The following TLE1 variants were observed in gnomAD, a reference collection of about 807,000 sequenced individuals.
TLE1 encodes TLE family member 1, transcriptional corepressor.
In TLE1, 21 loss-of-function variants were observed where a neutral mutation model predicts 89.8. That is an observed-to-expected ratio of 0.23 (90% CI 0.17 to 0.34). TLE1 has a LOEUF of 0.34. Among genes scored for constraint, TLE1 ranks in the 10% least tolerant of loss-of-function variants. The pLI is 1.00. For missense variants in TLE1, 795 were observed against 1,031.2 expected, an observed-to-expected ratio of 0.77 and a Z score of 3.14; for synonymous variants, 447 against 407.6, an observed-to-expected ratio of 1.10 and a Z score of -1.16.
intron 4 of TLE1, among the ~76,000 whole-genome samples, chr9:81,678,199 G>A (rs1833142890): frequency 6.6e-6 from 1 of 152,248 alleles, no homozygotes; most frequent in East Asian, 1.9e-4. Flanking sequence ...AAGGTAAATA[G>A]AATACAATTT....
At chr9:81,615,286 G>A (rs1358591605) in intron 11 of TLE1, among the ~76,000 whole-genome samples, 2 of 139,750 alleles carry the variant, frequency 1.4e-5, no homozygotes, top group Non-Finnish European at 3.1e-5. Flanking sequence ...CCGAGATCAC[G>A]CCACTGCACT....
chr9:81,585,404 GA>G (rs1828252253), intron 18 of TLE1, 100 bp downstream of exon 18: 7 of 1,437,832 alleles, frequency 4.9e-6, no homozygotes, highest in Non-Finnish European at 5.7e-6. Flanking sequence ...CAGCTGCTCG[GA>G]GAACATTTTT....
At chr9:81,622,134 C>T (rs1022967018) in intron 8 of TLE1, among the ~76,000 whole-genome samples, 3 of 152,210 alleles carry the variant, frequency 2.0e-5, no homozygotes, top group Non-Finnish European at 4.4e-5. Context: ...CTAACACGCC[C>T]TCTGAAAAGC....
intron 4 of TLE1, among the ~76,000 whole-genome samples, chr9:81,655,857 A>G (rs945091093): frequency 6.9e-6 from 1 of 145,028 alleles, no homozygotes; most frequent in Non-Finnish European, 1.5e-5. Flanking sequence ...TGTCTCAAAA[A>G]AAAAAAAAAA....
At chr9:81,645,788 G>A (rs941250993) in intron 6 of TLE1, among the ~76,000 whole-genome samples, 3 of 151,958 alleles carry the variant, frequency 2.0e-5, no homozygotes, top group Non-Finnish European at 4.4e-5. Context: ...ATGCTTGAGG[G>A]GATAGATACC....
intron 6 of TLE1, among the ~76,000 whole-genome samples, chr9:81,636,668 T>C (rs745651506): frequency 1.3e-5 from 2 of 152,136 alleles, no homozygotes; most frequent in South Asian, 2.1e-4. Flanking sequence ...GGGATTCTTA[T>C]GTCAGACCAA....
chr9:81,600,139 T>C (rs746230106), intron 14 of TLE1: 1 of 729,132 alleles, frequency 1.4e-6, no homozygotes, highest in Non-Finnish European at 2.6e-6. Flanking sequence ...AAGATACAAA[T>C]GGAGAAATTC....
At chr9:81,625,330 A>T (rs1186109183) in intron 8 of TLE1, among the ~76,000 whole-genome samples, 2 of 152,204 alleles carry the variant, frequency 1.3e-5, no homozygotes, top group Non-Finnish European at 2.9e-5. Context: ...CTATGACAGC[A>T]AAAGAGCTGG....
rs772553167 is a variant in TLE1, at chr9:81,585,520, T to G, written c.2113A>C (p.Lys705Gln). 17 of 1,613,692 alleles carry G rather than the reference T, an allele frequency of 1.1e-5. No individual in the cohort carries two copies. The South Asian group carries it at 1.8e-4, about 17-fold the overall frequency. The change falls in exon 18 of 20, where the codon AAA becomes CAA. Residue 705 changes from lysine (K) to glutamine (Q), a missense_variant. Around this residue, in one of 4 missense-constraint regions of TLE1, gnomAD observed 214 missense variants for 354.9 expected, o/e 0.60. Coordinates refer to ENST00000376499, the MANE Select transcript of TLE1 (RefSeq NM_005077.5). ...HLHESCVLSL[K>Q]FAYCGKWFVS... is the part of the protein sequence containing the mutation. ...CTGAACTCACCACAGTAAGCAAATT[T>G]CAGGGACAGCACGCAGCTCTCATGC...
chr9:81,612,349 C>T (rs983209496), intron 12 of TLE1: 6 of 1,003,536 alleles, frequency 6.0e-6, no homozygotes, highest in African/African-American at 3.4e-5. Context: ...TCTTTCAGTC[C>T]GAACTTTCCA....
intron 4 of TLE1, among the ~76,000 whole-genome samples, chr9:81,673,000 C>T (rs1250461578): frequency 6.6e-6 from 1 of 151,780 alleles, no homozygotes; most frequent in African/African-American, 2.4e-5. Flanking sequence ...AGGCCGGACG[C>T]GGTGGCTCAC....
chr9:81,642,295 T>G (rs1406024556), intron 6 of TLE1, among the ~76,000 whole-genome samples: 1 of 152,184 alleles, frequency 6.6e-6, no homozygotes, highest in Non-Finnish European at 1.5e-5. Flanking sequence ...TTTTTTCAGA[T>G]TTTTAAATAT....
At chr9:81,597,402 G>A (rs547009634) in intron 14 of TLE1, among the ~76,000 whole-genome samples, 1 of 152,144 alleles carries the variant, frequency 6.6e-6, no homozygotes. Context: ...AAAGCACAAG[G>A]GCAGTGATGA....
chr9:81,659,858 T>C (rs891677854), intron 4 of TLE1, among the ~76,000 whole-genome samples: 3 of 152,282 alleles, frequency 2.0e-5, no homozygotes, highest in African/African-American at 2.4e-5. Context: ...TGAGCTGGTA[T>C]GTAAGGTATA....
intron 6 of TLE1, among the ~76,000 whole-genome samples, chr9:81,651,555 GT>G (rs1335675293): frequency 2.0e-5 from 3 of 152,116 alleles, no homozygotes; most frequent in African/African-American, 7.2e-5. Context: ...TTTCATTGGT[GT>G]GTGACTTAAA....
At chr9:81,674,974 G>A (rs1293720101) in intron 4 of TLE1, among the ~76,000 whole-genome samples, 1 of 152,048 alleles carries the variant, frequency 6.6e-6, no homozygotes, top group East Asian at 1.9e-4. Flanking sequence ...GGACAACATA[G>A]TGAGACCTCA....
At chr9:81,607,196 C>A (rs1205159232) in intron 14 of TLE1, among the ~76,000 whole-genome samples, 7 of 152,136 alleles carry the variant, frequency 4.6e-5, no homozygotes, top group African/African-American at 1.7e-4. Flanking sequence ...GCCACTGTGT[C>A]CACTGTCCTT....
At chr9:81,628,108 A>G (rs1038414431) in intron 8 of TLE1, among the ~76,000 whole-genome samples, 3 of 152,240 alleles carry the variant, frequency 2.0e-5, no homozygotes, top group Non-Finnish European at 4.4e-5. Context: ...AGAGAAACCC[A>G]GAAGTAACTG....
intron 17 of TLE1, among the ~76,000 whole-genome samples, chr9:81,586,447 A>G (rs1828470468): frequency 6.6e-6 from 1 of 152,236 alleles, no homozygotes; most frequent in Non-Finnish European, 1.5e-5. Flanking sequence ...CAACTGTAGC[A>G]TAACGGGAAG....
Sources: allele counts gnomAD v4.1 joint callset (sites outside exome capture counted in the v4.1 genomes callset), GRCh38; gene constraint gnomAD v4.1.1; regional missense constraint gnomAD v4.1.1; transcripts MANE v1.5; gene names NCBI Gene and HGNC (gene_info 2026-07-23, HGNC 2026-07-21).